CCM2: variants seen among roughly 807,000 people sequenced by gnomAD.
The protein encoded by CCM2 is cerebral cavernous malformations 2 protein.
CCM2 carries 25 observed loss-of-function variants against 44.9 expected under a neutral mutation model. That is an observed-to-expected ratio of 0.56 (90% CI 0.41 to 0.78). The LOEUF (loss-of-function observed/expected upper bound fraction) is 0.78. CCM2 is among the 30% of genes least tolerant of loss of function. The pLI, the probability that CCM2 is intolerant of heterozygous loss-of-function variation, is 0.00. For synonymous variants in CCM2, 219 were observed against 241.1 expected (o/e 0.91, Z 0.85); for missense variants, 481 against 580.6 (o/e 0.83, Z 1.76).
intron 4 of CCM2, chr7:45,067,990 T>G: frequency 8.1e-6 from 2 of 248,254 alleles, no homozygotes; most frequent in African/African-American, 2.2e-5. Flanking sequence ...AGGCAATGGG[T>G]AGGATGTTAG....
intron 1 of CCM2, among the ~76,000 whole-genome samples, chr7:45,013,620 C>T (rs1455025760): frequency 6.6e-6 from 1 of 152,162 alleles, no homozygotes; most frequent in Non-Finnish European, 1.5e-5. Context: ...TAATTCATGA[C>T]CCCACCCAGA....
chr7:45,010,104 T>A (rs1796009192), intron 1 of CCM2, among the ~76,000 whole-genome samples: 1 of 152,082 alleles, frequency 6.6e-6, no homozygotes, highest in South Asian at 2.1e-4. Context: ...AGAGACGAGG[T>A]CTCACTGTGT....
intron 2 of CCM2, among the ~76,000 whole-genome samples, chr7:45,057,272 C>T (rs963158257): frequency 6.6e-4 from 101 of 152,220 alleles, no homozygotes; most frequent in African/African-American, 2.2e-3. Context: ...AAGCAGCTCC[C>T]CTGCCTCAGC....
intron 1 of CCM2, among the ~76,000 whole-genome samples, chr7:45,034,233 C>T (rs907851045): frequency 2.0e-5 from 3 of 151,282 alleles, no homozygotes; most frequent in South Asian, 4.2e-4. Flanking sequence ...TGTTTTGAGA[C>T]GGAGTCTCTC....
At chr7:45,010,076 ATTTT>A (rs940421286) in intron 1 of CCM2, among the ~76,000 whole-genome samples, 2 of 151,874 alleles carry the variant, frequency 1.3e-5, no homozygotes, top group African/African-American at 4.8e-5. Flanking sequence ...TGCCCAGCTA[ATTTT>A]TTTTATTTTT....
intron 2 of CCM2, among the ~76,000 whole-genome samples, chr7:45,039,884 G>A (rs1583905714): frequency 6.6e-6 from 1 of 151,834 alleles, no homozygotes; most frequent in Non-Finnish European, 1.5e-5. Context: ...AAAATTAGCC[G>A]GGCGTGGTGG....
intron 2 of CCM2, among the ~76,000 whole-genome samples, chr7:45,061,105 G>A (rs1798497489): frequency 6.6e-6 from 1 of 152,130 alleles, no homozygotes; most frequent in African/African-American, 2.4e-5. Flanking sequence ...TTTTCTTCAA[G>A]ATTCCTTCTT....
chr7:45,030,898 A>AT (rs1372471827), intron 1 of CCM2, among the ~76,000 whole-genome samples: 1 of 151,438 alleles, frequency 6.6e-6, no homozygotes, highest in East Asian at 2.0e-4. Flanking sequence ...TAATTTTTGT[A>AT]TTTTTAGTAG....
upstream of CCM2, chr7:44,999,814 T>A (rs899596241): frequency 1.1e-5 from 5 of 441,196 alleles, no homozygotes; most frequent in Non-Finnish European, 2.3e-5. Context: ...CCGCGCGCGC[T>A]CCCGCGCGCG....
At chr7:45,011,214 G>A (rs1354106965) in intron 1 of CCM2, among the ~76,000 whole-genome samples, 1 of 126,154 alleles carries the variant, frequency 7.9e-6, no homozygotes, top group South Asian at 2.5e-4. Flanking sequence ...TTTTTTTTTT[G>A]AGACGGAGTC....
chr7:45,045,782 C>A (rs1332940242), intron 2 of CCM2, among the ~76,000 whole-genome samples: 2 of 152,178 alleles, frequency 1.3e-5, no homozygotes, highest in African/African-American at 2.4e-5. Flanking sequence ...CAGAGTGAGA[C>A]TTTGCCTCAA....
In CCM2 at chr7:45,075,845, A is replaced by G. The variant is rs755548359; in HGVS notation, c.1123A>G (p.Lys375Glu). The part of the protein sequence containing the change: ...FENFLETIGV[K>E]DGRGIITDSF... ...GAACTTCCTGGAGACCATTGGCGTG[A>G]AGGATGGCCGCGGCATCATCACTGA... The change falls in exon 10 of 10, where the codon AAG becomes GAG. Residue 375 changes from lysine to glutamate, a missense_variant. Transcript: ENST00000258781. 3.1e-6 allele frequency: 5 copies of G among 1,613,622 alleles called. No individual in the cohort carries two copies. In the African/African-American group the frequency reaches 6.7e-5, roughly 22 times the overall value.
chr7:45,001,183 C>A (rs1795608193), intron 1 of CCM2, among the ~76,000 whole-genome samples: 1 of 152,150 alleles, frequency 6.6e-6, no homozygotes, highest in Non-Finnish European at 1.5e-5. Context: ...GGGAAGTGTC[C>A]TTTAATTGAC....
chr7:45,029,798 G>T (rs1796872650), intron 1 of CCM2, among the ~76,000 whole-genome samples: 1 of 152,138 alleles, frequency 6.6e-6, no homozygotes, highest in Non-Finnish European at 1.5e-5. Flanking sequence ...GTGTGAGGAG[G>T]GCATTCTCAC....
chr7:45,076,171 C>G lies in CCM2; in HGVS notation c.*114C>G. The G allele has an allele frequency of 6.7e-7, 1 of 1,481,734 alleles. No individual in the cohort carries two copies. Among genetic ancestry groups the G allele is most frequent in the Non-Finnish European group, 9.2e-7 (1 of 1,089,670 alleles). 91.8% of individuals were successfully genotyped at this position (1,481,734 alleles called of 1,614,324 possible). A position where few individuals can be genotyped will look rare whatever the true frequency, so the allele number is the denominator to read the frequency against. On this transcript the variant is annotated 3_prime_UTR_variant, in exon 10 of 10. Coordinates refer to ENST00000258781, the MANE Select transcript of CCM2 (RefSeq NM_031443.4). The stretch of plus-strand genomic sequence containing the variant: ...TTGGTGGTGGCCAGGGAGAGGCGCC[C>G]GGTGCAGATGGCCCCGGGCGGCCCA...
chr7:45,015,368 G>C (rs1029195890), intron 1 of CCM2, among the ~76,000 whole-genome samples: 2 of 152,154 alleles, frequency 1.3e-5, no homozygotes, highest in African/African-American at 4.8e-5. Flanking sequence ...GGCAAACTCA[G>C]CTGAAGACAT....
At chr7:45,032,700 G>A (rs1797024389) in intron 1 of CCM2, among the ~76,000 whole-genome samples, 1 of 152,100 alleles carries the variant, frequency 6.6e-6, no homozygotes, top group Admixed American at 6.6e-5. Flanking sequence ...CAGTACCAGC[G>A]TTTATTGCTG....
chr7:45,075,791 A>T lies in CCM2; in HGVS notation c.1069A>T (p.Ile357Phe). ...TGTGTCTGCAGGTCTGAGGCCCTTC[A>T]TCCCTGAGAAGGACAGCCAGCACTT... ...KFLLLGLRPF[I>F]PEKDSQHFEN... The change falls in exon 10 of 10, where the codon ATC (isoleucine) becomes TTC (phenylalanine). Residue 357 changes from isoleucine to phenylalanine, a missense_variant. Coordinates refer to ENST00000258781, the MANE Select transcript of CCM2 (RefSeq NM_031443.4). 6.2e-7 allele frequency: 1 copy of T among 1,613,660 alleles called. No individual in the cohort carries two copies. The highest frequency in any genetic ancestry group is 1.1e-5 in the South Asian group (1 of 91,090).
chr7:45,054,898 C>T (rs1798186432), intron 2 of CCM2, among the ~76,000 whole-genome samples: 2 of 152,182 alleles, frequency 1.3e-5, no homozygotes, highest in African/African-American at 2.4e-5. Flanking sequence ...GAGAACTGTC[C>T]AGGAGGCATA....
Sources: allele counts gnomAD v4.1 joint callset (sites outside exome capture counted in the v4.1 genomes callset), GRCh38; gene constraint gnomAD v4.1.1; transcripts MANE v1.5; gene names NCBI Gene and HGNC (gene_info 2026-07-23, HGNC 2026-07-21).